The following RNF144B variants were observed in gnomAD, a reference collection of about 807,000 sequenced individuals.
The protein encoded by RNF144B is ring finger protein 144B, also known as E3 ubiquitin-protein ligase RNF144B.
Under a neutral mutation model 40.2 loss-of-function variants are expected in RNF144B, and 25 were observed. That is an observed-to-expected ratio of 0.62 (90% CI 0.45 to 0.87). The LOEUF (loss-of-function observed/expected upper bound fraction) is 0.87. Among genes scored for constraint, RNF144B ranks in the 40% least tolerant of loss-of-function variants. The pLI is 0.00. For synonymous variants in RNF144B, 145 were observed against 136.3 expected (o/e 1.06, Z -0.44); for missense variants, 365 against 373.7 (o/e 0.98, Z 0.19).
intron 4 of RNF144B, among the ~76,000 whole-genome samples, chr6:18,451,358 T>C (rs2113528455): frequency 6.6e-6 from 1 of 152,254 alleles, no homozygotes; most frequent in East Asian, 1.9e-4. Flanking sequence ...TCATAAGAGG[T>C]CATATCTGGA....
chr6:18,388,793 A>G (rs1794520402), intron 1 of RNF144B, among the ~76,000 whole-genome samples: 1 of 143,704 alleles, frequency 7.0e-6, no homozygotes, highest in Admixed American at 6.9e-5. Flanking sequence ...GCCCTTGCAC[A>G]CCTTTGACTG....
chr6:18,390,820 G>A (rs1794564660), intron 1 of RNF144B, among the ~76,000 whole-genome samples: 1 of 152,142 alleles, frequency 6.6e-6, no homozygotes, highest in Non-Finnish European at 1.5e-5. Flanking sequence ...TAATAAGTAG[G>A]AGCTGGGTTT....
chr6:18,427,686 G>T lies in RNF144B; in HGVS notation c.270+1G>T. The T allele has an allele frequency of 6.3e-7, 1 of 1,578,900 alleles. No individual in the cohort carries two copies. Among genetic ancestry groups the T allele is most frequent in the Non-Finnish European group, 8.7e-7 (1 of 1,148,360 alleles). ...CCACGGGACCCTGCAGGAAGCTGAG[G>T]TATGAATGACTACCATCATCTTCCC... is the stretch of plus-strand genomic sequence containing the variant. On this transcript the variant is annotated splice_donor_variant, in intron 3 of 7. Coordinates refer to ENST00000259939, the MANE Select transcript of RNF144B (RefSeq NM_182757.4). LOFTEE classifies it high-confidence loss of function.
In RNF144B at chr6:18,444,566, C is replaced by T. The variant is rs1027368436; in HGVS notation, c.331+4822C>T. ...ACTTTCTGTAACTGCAAGTTGCTTC[C>T]GTTCCTTGCTAGGTTGATGTATCTG... On this transcript the variant is annotated intron_variant, in intron 4 of 7. Coordinates refer to ENST00000259939, the MANE Select transcript of RNF144B (RefSeq NM_182757.4). The surrounding 1 kb of genome is among the most constrained non-coding windows in gnomAD (Gnocchi z 4.3). Among the ~76,000 whole-genome samples the T allele has an allele frequency of 2.6e-5, 4 of 151,966 alleles. No homozygotes were observed. The highest frequency in any genetic ancestry group is 7.3e-5 in the African/African-American group (3 of 41,374).
In RNF144B at chr6:18,442,287, G is replaced by A. The variant is rs1758982251; in HGVS notation, c.331+2543G>A. Among the ~76,000 whole-genome samples, 1 of 152,190 alleles carries A rather than the reference G, an allele frequency of 6.6e-6. No homozygotes were observed. The highest frequency in any genetic ancestry group is 6.5e-5 in the Admixed American group (1 of 15,282). The stretch of plus-strand genomic sequence containing the variant: ...TGAGCCAGTCTATCTTTTTTAGGTG[G>A]TGATGCATATTTCTACTTTGCTCTG... On this transcript the variant is annotated intron_variant, in intron 4 of 7. Transcript: ENST00000259939. The surrounding 1 kb of genome is among the most constrained non-coding windows in gnomAD (Gnocchi z 4.3).
At position 18,446,145 on chromosome 6, in the gene RNF144B, G is replaced by GTC. The variant is rs1759076794; in HGVS notation, c.331+6403_331+6404dup. On this transcript the variant is annotated intron_variant, in intron 4 of 7. Transcript: ENST00000259939. This position sits in a 1 kb window ranked among gnomAD's most constrained non-coding sequence, Gnocchi z 4.7. ...CCTGTTAGATGCCAGGGCTGCTGAT[G>GTC]TCTGATGACTCTCTGCATTTTTTCT... 6.6e-6 allele frequency among the ~76,000 whole-genome samples: 1 copy of GTC among 152,116 alleles called. No individual in the cohort carries two copies. The highest frequency in any genetic ancestry group is 1.5e-5 in the Non-Finnish European group (1 of 68,026).
chr6:18,454,664 A>G (rs1759287415), intron 4 of RNF144B, among the ~76,000 whole-genome samples: 1 of 152,170 alleles, frequency 6.6e-6, no homozygotes, highest in African/African-American at 2.4e-5. Context: ...GGACTGTGCC[A>G]TAGCTGCACT....
chr6:18,403,579 A>G (rs566850976), intron 2 of RNF144B, among the ~76,000 whole-genome samples: 4 of 152,318 alleles, frequency 2.6e-5, no homozygotes, highest in African/African-American at 9.6e-5. Context: ...TTAAAAAGTG[A>G]GAGGAAATAT....
chr6:18,448,680 G>A lies in RNF144B; in HGVS notation c.332-8475G>A, dbSNP rs912554. Among the ~76,000 whole-genome samples the A allele has an allele frequency of 0.36, 50,004 of 137,070 alleles. 8,917 individuals carry two copies. Among genetic ancestry groups the A allele is most frequent in the East Asian group, 0.52 (2,599 of 4,964 alleles). The allele number at this position is 137,070 out of a possible 152,430, so 89.9% of individuals were successfully genotyped here. ...ATAATAAATCCATTTTATTTTGAAAGCCAGCATGCACACACACACACACAC... is the reference window on the plus strand; with the variant it reads ...ATAATAAATCCATTTTATTTTGAAAACCAGCATGCACACACACACACACAC... On this transcript the variant is annotated intron_variant, in intron 4 of 7. Transcript: ENST00000259939. This position sits in a 1 kb window ranked among gnomAD's most constrained non-coding sequence, Gnocchi z 4.0.
At position 18,456,933 on chromosome 6, in the gene RNF144B, G is replaced by A. The variant is rs562714696; in HGVS notation, c.332-222G>A. Among the ~76,000 whole-genome samples, 23 of 152,244 alleles carry A rather than the reference G, an allele frequency of 1.5e-4. No homozygotes were observed. The highest frequency in any genetic ancestry group is 2.6e-4 in the Non-Finnish European group (18 of 68,020). On this transcript the variant is annotated intron_variant, in intron 4 of 7. Coordinates refer to ENST00000259939, the MANE Select transcript of RNF144B (RefSeq NM_182757.4). This position sits in a 1 kb window ranked among gnomAD's most constrained non-coding sequence, Gnocchi z 4.7. Reference sequence around the variant, plus strand: ...AAAAATGAGCCAGGCGTGATGGTGCGCACCTGTAGTCCCAGCTACTCGGGA... The same window carrying A: ...AAAAATGAGCCAGGCGTGATGGTGCACACCTGTAGTCCCAGCTACTCGGGA...
chr6:18,407,773 C>G (rs1031626368), intron 2 of RNF144B, among the ~76,000 whole-genome samples: 1 of 151,806 alleles, frequency 6.6e-6, no homozygotes, highest in African/African-American at 2.4e-5. Context: ...TTTTAGAGGG[C>G]GGACGTCAGA....
intron 1 of RNF144B, among the ~76,000 whole-genome samples, chr6:18,389,729 A>G (rs1032501639): frequency 6.6e-6 from 1 of 152,184 alleles, no homozygotes; most frequent in African/African-American, 2.4e-5. Context: ...ACTTTGTACA[A>G]CTGATTATTT....
At position 18,400,513 on chromosome 6, in the gene RNF144B, C is replaced by A. The variant is rs1794784262; in HGVS notation, c.165+814C>A. Among the ~76,000 whole-genome samples, 1 of 152,122 alleles carries A rather than the reference C, an allele frequency of 6.6e-6. No homozygotes were observed. The highest frequency in any genetic ancestry group is 1.5e-5 in the Non-Finnish European group (1 of 68,022). On this transcript the variant is annotated intron_variant, in intron 2 of 7. Transcript: ENST00000259939. This position sits in a 1 kb window ranked among gnomAD's most constrained non-coding sequence, Gnocchi z 5.6. ...TTCCACTTAATGAGAGCCCTATAGA[C>A]CTGCAGAAGTGGGCTTATCTCTTTT...
At chr6:18,463,656 C>T (rs1490497019) in intron 7 of RNF144B, among the ~76,000 whole-genome samples, 2 of 152,234 alleles carry the variant, frequency 1.3e-5, no homozygotes, top group Admixed American at 1.3e-4. Context: ...ATGTTCTTTC[C>T]TCTTGAGAAA....
rs1047134235 is a variant in RNF144B, at chr6:18,458,411, T to G, written c.536+1052T>G. On this transcript the variant is annotated intron_variant, in intron 5 of 7. Coordinates refer to ENST00000259939, the MANE Select transcript of RNF144B (RefSeq NM_182757.4). This position sits in a 1 kb window ranked among gnomAD's most constrained non-coding sequence, Gnocchi z 4.8. ...CCAGAATGTGTAGAACCAGGCTTCA[T>G]GAATAGTAATGCTACTTGGCTACGA... Among the ~76,000 whole-genome samples the G allele has an allele frequency of 6.6e-6, 1 of 152,136 alleles. No homozygotes were observed. The highest frequency in any genetic ancestry group is 2.4e-5 in the African/African-American group (1 of 41,428).
At position 18,400,867 on chromosome 6, in the gene RNF144B, C is replaced by T. The variant is rs1253351746; in HGVS notation, c.165+1168C>T. 6.6e-6 allele frequency among the ~76,000 whole-genome samples: 1 copy of T among 152,064 alleles called. No individual in the cohort carries two copies. Among genetic ancestry groups the T allele is most frequent in the Admixed American group, 6.6e-5 (1 of 15,258 alleles). On this transcript the variant is annotated intron_variant, in intron 2 of 7. Coordinates refer to ENST00000259939, the MANE Select transcript of RNF144B (RefSeq NM_182757.4). The surrounding 1 kb of genome is among the most constrained non-coding windows in gnomAD (Gnocchi z 5.6). Reference sequence around the variant, plus strand: ...TTAGGTAGGGGGATCAGAAGTAGGCCTTGCTGAGGAGTGATGTTTGTGCTG... The same window carrying T: ...TTAGGTAGGGGGATCAGAAGTAGGCTTTGCTGAGGAGTGATGTTTGTGCTG...
chr6:18,391,330 G>T (rs750756897), intron 1 of RNF144B, among the ~76,000 whole-genome samples: 1 of 152,180 alleles, frequency 6.6e-6, no homozygotes, highest in Non-Finnish European at 1.5e-5. Flanking sequence ...GAATAATTGT[G>T]GGAGGCAGGG....
chr6:18,421,447 A>G (rs1159472028), intron 2 of RNF144B, among the ~76,000 whole-genome samples: 1 of 152,130 alleles, frequency 6.6e-6, no homozygotes, highest in East Asian at 1.9e-4. Flanking sequence ...ACTAAGTGGT[A>G]ATTCAGTGAT....
chr6:18,421,307 C>G (rs1758417781), intron 2 of RNF144B, among the ~76,000 whole-genome samples: 1 of 127,954 alleles, frequency 7.8e-6, no homozygotes, highest in Non-Finnish European at 1.7e-5. Flanking sequence ...CACACACACA[C>G]ACACACACAT....
Sources: allele counts gnomAD v4.1 joint callset (sites outside exome capture counted in the v4.1 genomes callset), GRCh38; gene constraint gnomAD v4.1.1; non-coding constraint Gnocchi (gnomAD v3.1); transcripts MANE v1.5; gene names NCBI Gene and HGNC (gene_info 2026-07-23, HGNC 2026-07-21).